FBXL2: variants seen among roughly 807,000 people sequenced by gnomAD.
FBXL2 encodes F-box and leucine rich repeat protein 2.
Under a neutral mutation model 69.2 loss-of-function variants are expected in FBXL2, and 38 were observed. The ratio of observed to expected loss-of-function variants is 0.55; its 90% CI spans 0.42 to 0.72. FBXL2 has a LOEUF of 0.72. Ranked by LOEUF, FBXL2 falls within the 30% of genes least tolerant of loss-of-function variation. The pLI, the probability that FBXL2 is intolerant of heterozygous loss-of-function variation, is 0.00. For synonymous variants in FBXL2, 192 were observed against 201.3 expected (o/e 0.95, Z 0.39); for missense variants, 354 against 520.3 (o/e 0.68, Z 3.11).
chr3:33,404,702 C>G (rs551486273), downstream of FBXL2, among the ~76,000 whole-genome samples: 1 of 151,960 alleles, frequency 6.6e-6, no homozygotes, highest in Non-Finnish European at 1.5e-5. Context: ...TTCTGTAAGT[C>G]AGGTGATTTT....
chr3:33,354,865 C>G (rs1340206927), intron 2 of FBXL2, among the ~76,000 whole-genome samples: 2 of 152,100 alleles, frequency 1.3e-5, no homozygotes, highest in South Asian at 2.1e-4. Context: ...AATGAATGGA[C>G]AAATTTAGAA....
chr3:33,420,976 C>T, the FBXL2 span, among the ~76,000 whole-genome samples: 35 of 152,292 alleles, frequency 2.3e-4, no homozygotes, highest in Non-Finnish European at 4.7e-4. Flanking sequence ...TATTTGGGGA[C>T]TAACAAGGAG....
At chr3:33,286,741 G>GC (rs879913658) in intron 1 of FBXL2, among the ~76,000 whole-genome samples, 130 of 152,284 alleles carry the variant, frequency 8.5e-4, no homozygotes, top group Middle Eastern at 3.4e-3. Flanking sequence ...GCAATGGCGG[G>GC]CCCCTCTCCT....
chr3:33,334,965 G>A (rs1044697725), intron 2 of FBXL2, among the ~76,000 whole-genome samples: 2 of 151,988 alleles, frequency 1.3e-5, no homozygotes, highest in Admixed American at 6.6e-5. Flanking sequence ...GTCGGGCATG[G>A]TGGTGCATAC....
chr3:33,350,980 C>G (rs2040789912), intron 2 of FBXL2, among the ~76,000 whole-genome samples: 1 of 152,114 alleles, frequency 6.6e-6, no homozygotes, highest in South Asian at 2.1e-4. Flanking sequence ...TAAACCTCCT[C>G]CTGGGCCGGG....
At chr3:33,317,593 C>T (rs112163052) in intron 2 of FBXL2, 60 of 448,996 alleles carry the variant, frequency 1.3e-4, no homozygotes, top group East Asian at 2.8e-4. Context: ...TTATGAAGCC[C>T]GCCTTATCCT....
chr3:33,314,517 T>C (rs1416326210), intron 2 of FBXL2, among the ~76,000 whole-genome samples: 1 of 152,232 alleles, frequency 6.6e-6, no homozygotes, highest in Non-Finnish European at 1.5e-5. Flanking sequence ...TAGAGAATAT[T>C]CTATGGTATA....
intron 1 of FBXL2, among the ~76,000 whole-genome samples, chr3:33,284,476 A>G (rs1260387105): frequency 1.3e-5 from 2 of 152,064 alleles, no homozygotes; most frequent in Non-Finnish European, 2.9e-5. Context: ...CTATGTGGTC[A>G]ATTTTGGAAT....
chr3:33,374,575 A>C (rs1300202272), intron 9 of FBXL2, among the ~76,000 whole-genome samples: 1 of 152,188 alleles, frequency 6.6e-6, no homozygotes, highest in African/African-American at 2.4e-5. Context: ...GTGGGGAAAA[A>C]AACCAGAAAC....
Position 33,359,323 on chromosome 3 carries a change from G to T in FBXL2, c.161G>T (p.Arg54Ile). 2.5e-6 allele frequency: 4 copies of T among 1,612,104 alleles called. No individual in the cohort carries two copies. The highest frequency in any genetic ancestry group is 3.4e-6 in the Non-Finnish European group (4 of 1,178,662). Residue 54 changes from arginine to isoleucine, a missense_variant, in exon 4 of 15, where the codon AGA (arginine) becomes ATA (isoleucine). Transcript: ENST00000484457. The stretch of plus-strand genomic sequence containing the variant: ...GCCCTGGATGGAAGCAACTGGCAAA[G>T]AATAGATCTTTTTAACTTTCAAACA... ...ILALDGSNWQ[R>I]IDLFNFQTDV...
At chr3:33,289,043 G>T (rs994400173) in intron 1 of FBXL2, among the ~76,000 whole-genome samples, 12 of 152,142 alleles carry the variant, frequency 7.9e-5, no homozygotes, top group African/African-American at 2.7e-4. Context: ...GAAGGAGAAA[G>T]TTTGGAGTAG....
At chr3:33,344,651 A>G (rs946102346) in intron 2 of FBXL2, among the ~76,000 whole-genome samples, 2 of 152,216 alleles carry the variant, frequency 1.3e-5, no homozygotes, top group East Asian at 3.8e-4. Flanking sequence ...CTGAAAATCA[A>G]TTACTTGAGC....
chr3:33,396,048 C>T (rs1028037315), intron 12 of FBXL2: 1 of 929,522 alleles, frequency 1.1e-6, no homozygotes. Flanking sequence ...CCCACATGAG[C>T]AACTTGGCAT....
intron 10 of FBXL2, among the ~76,000 whole-genome samples, chr3:33,376,574 G>A (rs2042655341): frequency 6.6e-6 from 1 of 152,050 alleles, no homozygotes. Context: ...ATTAAGCATG[G>A]GTAATTGAGA....
chr3:33,383,630 A>G (rs1432871530), intron 13 of FBXL2: 7 of 242,078 alleles, frequency 2.9e-5, no homozygotes, highest in African/African-American at 1.1e-4. Flanking sequence ...TCAAGGGGGT[A>G]AACTGAAATC....
chr3:33,292,492 AT>A (rs1440473810), intron 1 of FBXL2, among the ~76,000 whole-genome samples: 1 of 152,198 alleles, frequency 6.6e-6, no homozygotes, highest in African/African-American at 2.4e-5. Context: ...TCATAGTTGA[AT>A]ATAACACCTC....
At chr3:33,393,804 G>A (rs1001339831) in intron 12 of FBXL2, among the ~76,000 whole-genome samples, 9 of 152,110 alleles carry the variant, frequency 5.9e-5, no homozygotes, top group African/African-American at 2.2e-4. Context: ...GGCTGCAAAT[G>A]GACATGGGGG....
At chr3:33,298,696 CAAAA>C (rs1158732530) in intron 2 of FBXL2, among the ~76,000 whole-genome samples, 1 of 47,270 alleles carries the variant, frequency 2.1e-5, no homozygotes, top group Non-Finnish European at 4.5e-5. Flanking sequence ...AACTCTGTCT[CAAAA>C]AAAAAAAAAA....
intron 5 of FBXL2, among the ~76,000 whole-genome samples, chr3:33,368,429 CCTT>C (rs564843513): frequency 7.9e-5 from 12 of 152,030 alleles, no homozygotes; most frequent in Non-Finnish European, 1.6e-4. Flanking sequence ...CATTGATTGT[CCTT>C]CTTTTATTCC....
Sources: allele counts gnomAD v4.1 joint callset (sites outside exome capture counted in the v4.1 genomes callset), GRCh38; gene constraint gnomAD v4.1.1; transcripts MANE v1.5; gene names NCBI Gene and HGNC (gene_info 2026-07-23, HGNC 2026-07-21).